SLC20A2: variants seen among roughly 807,000 people sequenced by gnomAD.
SLC20A2 encodes sodium-dependent phosphate transporter 2.
A neutral mutation model predicts 61.0 loss-of-function variants in SLC20A2; 30 were observed. The ratio of observed to expected loss-of-function variants is 0.49; its 90% confidence interval spans 0.37 to 0.67. The LOEUF (loss-of-function observed/expected upper bound fraction) is 0.67, where lower values mean the gene tolerates loss of function less well. Among genes scored for constraint, SLC20A2 ranks in the 30% least tolerant of loss-of-function variants. SLC20A2 has a pLI of 0.00. For missense variants in SLC20A2, 626 were observed against 866.4 expected, an observed-to-expected ratio of 0.72 and a Z score of 3.48; for synonymous variants, 351 against 353.3, an observed-to-expected ratio of 0.99 and a Z score of 0.07.
intron 2 of SLC20A2, among the ~76,000 whole-genome samples, chr8:42,467,654 G>A (rs1807282253): frequency 6.6e-6 from 1 of 152,180 alleles, no homozygotes; most frequent in Non-Finnish European, 1.5e-5. Context: ...TGAGTGCTAG[G>A]CGTGCTGACC....
rs201586836 is a variant in SLC20A2, at chr8:42,472,205, T to C, written c.186A>G (p.Leu62=). The change falls in exon 2 of 11, where the codon CTA becomes CTG. Residue 62 remains leucine (L), a synonymous_variant. Transcript: ENST00000520262. The surrounding 1 kb of genome is among the most constrained non-coding windows in gnomAD (Gnocchi z 4.1). The part of the protein sequence containing the change: ...SIFETTGSVL[L]GAKVGETIRK... The stretch of plus-strand genomic sequence containing the variant: ...GAATGGTTTCTCCTACTTTGGCGCC[T>C]AGTAACACGGAGCCGGTGGTTTCAA... The C allele has an allele frequency of 6.1e-5, 98 of 1,613,916 alleles. 1 individual carries two copies. The highest frequency in any genetic ancestry group is 4.3e-4 in the Admixed American group (26 of 59,976).
chr8:42,512,406 A>T (rs1405001209), intron 1 of SLC20A2, among the ~76,000 whole-genome samples: 1 of 150,384 alleles, frequency 6.6e-6, no homozygotes, highest in Admixed American at 6.6e-5. Flanking sequence ...GCTGGAGTGC[A>T]GTGGCGTGAT....
rs994136450 is a variant in SLC20A2 at position 42,483,385 on chromosome 8, CTAAT to C, written c.-264-10735_-264-10732del. On this transcript the variant is annotated intron_variant, in intron 1 of 10. Coordinates refer to ENST00000520262, the MANE Select transcript of SLC20A2 (RefSeq NM_001257180.2). ...AAACTCCGTCTTAAAAACAAACAAACTAATTAACTGTATTTGGATAGGAGAAACA... is the reference window on the plus strand; with the variant it reads ...AAACTCCGTCTTAAAAACAAACAAACTAACTGTATTTGGATAGGAGAAACA... Among the ~76,000 whole-genome samples the C allele has an allele frequency of 2.9e-3, 448 of 152,244 alleles. 1 individual carries two copies. Among genetic ancestry groups the C allele is most frequent in the African/African-American group, 0.01 (417 of 41,540 alleles).
chr8:42,537,845 T>C (rs1022496224), intron 1 of SLC20A2: 2 of 152,206 alleles, frequency 1.3e-5, no homozygotes, highest in Non-Finnish European at 1.5e-5. Flanking sequence ...GCTGCAAAAG[T>C]AGTGCTTAGA....
chr8:42,472,766 G>C lies in SLC20A2; in HGVS notation c.-264-112C>G, dbSNP rs927356148. The C allele has an allele frequency of 1.1e-5, 2 of 179,274 alleles. No homozygotes were observed. Among genetic ancestry groups the C allele is most frequent in the African/African-American group, 2.4e-5 (1 of 41,972 alleles). The allele number at this position is 179,274 out of a possible 1,614,324, so 11.1% of individuals were successfully genotyped here. On this transcript the variant is annotated intron_variant, in intron 1 of 10. Transcript: ENST00000520262. The surrounding 1 kb of genome is among the most constrained non-coding windows in gnomAD (Gnocchi z 4.1). ...CTAATGGGATCTAACTTTGGCATGT[G>C]ACGGACCTAACCATAAAGCAATTCA...
At chr8:42,426,099 A>G (rs1803394797) in intron 10 of SLC20A2, among the ~76,000 whole-genome samples, 2 of 152,190 alleles carry the variant, frequency 1.3e-5, no homozygotes, top group African/African-American at 4.8e-5. Flanking sequence ...ATATACATCT[A>G]TTCACTAAGG....
chr8:42,470,500 T>G (rs1157511664), intron 2 of SLC20A2, among the ~76,000 whole-genome samples: 1 of 152,086 alleles, frequency 6.6e-6, no homozygotes, highest in East Asian at 1.9e-4. Context: ...ACCTGACATC[T>G]TTACAACACA....
At position 42,495,057 on chromosome 8, in the gene SLC20A2, G is replaced by A. The variant is rs11990265; in HGVS notation, c.-265+5974C>T. Among the ~76,000 whole-genome samples, 1,210 of 151,324 alleles carry A rather than the reference G, an allele frequency of 8.0e-3. 8 individuals are homozygous for A. The highest frequency in any genetic ancestry group is 0.028 in the African/African-American group (1,159 of 41,250). On this transcript the variant is annotated intron_variant, in intron 1 of 10. Transcript: ENST00000520262. Reference sequence around the variant, plus strand: ...TTTTTAGTAGAGACGGGGTTTCACTGTGTTAGCCAGAATGGTCTCGATCTC... The same window carrying A: ...TTTTTAGTAGAGACGGGGTTTCACTATGTTAGCCAGAATGGTCTCGATCTC...
At chr8:42,467,000 G>A (rs1381428215) in intron 2 of SLC20A2, among the ~76,000 whole-genome samples, 1 of 152,178 alleles carries the variant, frequency 6.6e-6, no homozygotes, top group Non-Finnish European at 1.5e-5. Flanking sequence ...AGAGACGGGG[G>A]TCTTGCTATG....
chr8:42,451,032 G>A (rs184312722), intron 5 of SLC20A2, among the ~76,000 whole-genome samples: 1 of 152,254 alleles, frequency 6.6e-6, no homozygotes. Flanking sequence ...GGAAGAAAGA[G>A]GCCTTCTGAG....
chr8:42,485,503 G>A (rs1009958490), intron 1 of SLC20A2, among the ~76,000 whole-genome samples: 12 of 151,670 alleles, frequency 7.9e-5, no homozygotes, highest in South Asian at 6.3e-4. Context: ...TTGGCCGGGT[G>A]TAGTGGCGGG....
At chr8:42,531,816 CTTTT>C (rs746692830) in intron 1 of SLC20A2, among the ~76,000 whole-genome samples, 14 of 139,280 alleles carry the variant, frequency 1.0e-4, no homozygotes, top group South Asian at 4.6e-4. Flanking sequence ...TAAGTCTCTG[CTTTT>C]TTTTTTTTTT....
chr8:42,507,519 C>G (rs1022205851), intron 1 of SLC20A2, among the ~76,000 whole-genome samples: 1 of 152,198 alleles, frequency 6.6e-6, no homozygotes, highest in South Asian at 2.1e-4. Flanking sequence ...TGTTTGAATA[C>G]TCATTTTAAC....
At chr8:42,478,874 G>GA (rs149423770) in intron 1 of SLC20A2, among the ~76,000 whole-genome samples, 10 of 146,286 alleles carry the variant, frequency 6.8e-5, no homozygotes, top group East Asian at 2.0e-4. Flanking sequence ...ATTATACAGT[G>GA]AAAAAAAGAA....
At chr8:42,527,974 G>A (rs1298625292) in intron 1 of SLC20A2, among the ~76,000 whole-genome samples, 1 of 152,044 alleles carries the variant, frequency 6.6e-6, no homozygotes, top group African/African-American at 2.4e-5. Context: ...ACCTCTGGGT[G>A]GTAGAACTAC....
chr8:42,444,763 C>T lies in SLC20A2; in HGVS notation c.614-1G>A, dbSNP rs754459517. 1 of 1,612,138 alleles carries T rather than the reference C, an allele frequency of 6.2e-7. No homozygotes were observed. The highest frequency in any genetic ancestry group is 1.3e-5 in the African/African-American group (1 of 75,012). The stretch of plus-strand genomic sequence containing the variant: ...CACATGGGGAGAACAAGGCCGAGCA[C>T]TGGGAAGGAAAATGAGAAGCAGTGT... On this transcript the variant is annotated splice_acceptor_variant, in intron 5 of 10. Transcript: ENST00000520262. LOFTEE classifies it high-confidence loss of function.
At chr8:42,493,400 G>A (rs897942092) in intron 1 of SLC20A2, among the ~76,000 whole-genome samples, 11 of 152,160 alleles carry the variant, frequency 7.2e-5, no homozygotes, top group South Asian at 2.1e-4. Context: ...AAGTGCCCTG[G>A]AAACACTGGC....
chr8:42,488,040 A>G (rs1005289058), intron 1 of SLC20A2, among the ~76,000 whole-genome samples: 2 of 152,176 alleles, frequency 1.3e-5, no homozygotes, highest in Admixed American at 6.5e-5. Context: ...GGGTTCATCC[A>G]CGTTGCAGCA....
chr8:42,485,532 C>G (rs1808912912), intron 1 of SLC20A2, among the ~76,000 whole-genome samples: 1 of 149,764 alleles, frequency 6.7e-6, no homozygotes, highest in Non-Finnish European at 1.5e-5. Context: ...ATCCCAGCTA[C>G]TCAGAAGGCT....
Sources: gnomAD v4.1 joint callset for allele counts (sites outside exome capture counted in the v4.1 genomes callset) on GRCh38, gnomAD v4.1.1 for gene constraint, Gnocchi (gnomAD v3.1) non-coding constraint, MANE v1.5 for transcripts, NCBI Gene and HGNC (gene_info 2026-07-23, HGNC 2026-07-21) for gene names.